ZNF423: variants seen among roughly 807,000 people sequenced by gnomAD.
ZNF423 encodes the protein zinc finger protein 423.
In ZNF423, 12 loss-of-function variants were observed where a neutral mutation model predicts 95.8. The ratio of observed to expected loss-of-function variants is 0.13; its 90% confidence interval spans 0.08 to 0.20. The LOEUF (loss-of-function observed/expected upper bound fraction) is 0.20, where lower values mean the gene tolerates loss of function less well. ZNF423 is among the 10% of genes least tolerant of loss of function. The probability of loss-of-function intolerance (pLI) is 1.00; values close to 1 mark genes in which losing one functional copy is unlikely to be tolerated. For missense variants in ZNF423, 1,316 were observed against 1,737.1 expected, an observed-to-expected ratio of 0.76 and a Z score of 4.31; for synonymous variants, 749 against 711.9, an observed-to-expected ratio of 1.05 and a Z score of -0.83.
chr16:49,787,894 G>A (rs1376721696), intron 2 of ZNF423, among the ~76,000 whole-genome samples: 3 of 152,162 alleles, frequency 2.0e-5, no homozygotes, highest in Non-Finnish European at 2.9e-5. Context: ...TCTCTAGAGC[G>A]GGCAGCAAGC....
intron 7 of ZNF423, among the ~76,000 whole-genome samples, chr16:49,515,508 TC>T (rs1968096207): frequency 6.6e-6 from 1 of 152,198 alleles, no homozygotes; most frequent in African/African-American, 2.4e-5. Context: ...CAAATGACCC[TC>T]GGCAAACCGC....
At chr16:49,520,997 G>A (rs530331615) in intron 7 of ZNF423, among the ~76,000 whole-genome samples, 33 of 152,182 alleles carry the variant, frequency 2.2e-4, no homozygotes, top group Admixed American at 4.6e-4. Flanking sequence ...CTGACTTAAA[G>A]CTTAACGGGA....
chr16:49,553,709 T>C (rs1969723881), intron 5 of ZNF423, among the ~76,000 whole-genome samples: 1 of 152,194 alleles, frequency 6.6e-6, no homozygotes, highest in Admixed American at 6.5e-5. Context: ...TGCAGTGGCA[T>C]GATCAATTTT....
At chr16:49,731,678 C>T (rs1416244057) in intron 2 of ZNF423, among the ~76,000 whole-genome samples, 1 of 151,876 alleles carries the variant, frequency 6.6e-6, no homozygotes, top group Non-Finnish European at 1.5e-5. Context: ...TTTTAATTAG[C>T]CTGGTATAGT....
chr16:49,760,106 T>C (rs988681584), intron 2 of ZNF423, among the ~76,000 whole-genome samples: 3 of 100,470 alleles, frequency 3.0e-5, no homozygotes, highest in Non-Finnish European at 5.5e-5. Flanking sequence ...GATTGATGAA[T>C]GGATGGATGC....
intron 1 of ZNF423, among the ~76,000 whole-genome samples, chr16:49,818,149 C>T (rs1376282690): frequency 6.6e-6 from 1 of 152,026 alleles, no homozygotes; most frequent in Non-Finnish European, 1.5e-5. Context: ...AATCTAATTC[C>T]CCTACTCCTT....
rs1372138039 is a variant in ZNF423, at chr16:49,638,741, T to C, written c.435A>G (p.Pro145=). 1.2e-6 allele frequency: 2 copies of C among 1,614,130 alleles called. No homozygotes were observed. The highest frequency in any genetic ancestry group is 1.1e-5 in the South Asian group (1 of 91,078). The change falls in exon 4 of 8, where the codon CCA becomes CCG. Residue 145 remains proline, a synonymous_variant. Coordinates refer to ENST00000563137, the MANE Select transcript of ZNF423 (RefSeq NM_001379286.1). This position sits in a 1 kb window ranked among gnomAD's most constrained non-coding sequence, Gnocchi z 5.6. ...ACTTGTCGCAGAACTGGCAAGGGTA[T>C]GGCAGGCCCGTGCCCCCTTCCTCCT... ...LGEEEGGTGL[P]YPCQFCDKSF...
chr16:49,501,401 T>C (rs1286294613), intron 7 of ZNF423, among the ~76,000 whole-genome samples: 1 of 152,228 alleles, frequency 6.6e-6, no homozygotes, highest in African/African-American at 2.4e-5. Context: ...TCAGCTTTCT[T>C]AGAGGAATGC....
At chr16:49,564,490 A>T (rs979429921) in intron 5 of ZNF423, among the ~76,000 whole-genome samples, 5 of 152,150 alleles carry the variant, frequency 3.3e-5, no homozygotes, top group Non-Finnish European at 7.4e-5. Flanking sequence ...TTCTCAACAC[A>T]AGAGAAGACA....
At chr16:49,652,505 G>C (rs1201809663) in intron 3 of ZNF423, among the ~76,000 whole-genome samples, 2 of 152,144 alleles carry the variant, frequency 1.3e-5, no homozygotes, top group Admixed American at 6.5e-5. Flanking sequence ...AGGAGCTCAG[G>C]AGCTCCGGAA....
chr16:49,511,236 C>T (rs187403509), intron 7 of ZNF423, among the ~76,000 whole-genome samples: 7 of 152,330 alleles, frequency 4.6e-5, no homozygotes, highest in African/African-American at 9.6e-5. Context: ...TCCAGACCAG[C>T]GACAGTATCA....
At position 49,637,240 on chromosome 16, in the gene ZNF423, C is replaced by T. The variant is rs766551710; in HGVS notation, c.1936G>A (p.Asp646Asn). ...SNGEYPCNQC[D>N]LKFSNFESFQ... The stretch of plus-strand genomic sequence containing the variant: ...CTCTCAAAGTTGGAGAACTTGAGGT[C>T]GCATTGATTGCAAGGATACTCCCCA... The change falls in exon 4 of 8, where the codon GAC becomes AAC. Residue 646 changes from aspartate to asparagine, a missense_variant. Physicochemically the swap from Asp to Asn is conservative, Grantham distance 23 (BLOSUM62 1). Coordinates refer to ENST00000563137, the MANE Select transcript of ZNF423 (RefSeq NM_001379286.1). The surrounding 1 kb of genome is among the most constrained non-coding windows in gnomAD (Gnocchi z 5.6). 10 of 1,614,046 alleles carry T rather than the reference C, an allele frequency of 6.2e-6. No homozygotes were observed. The South Asian group carries it at 8.8e-5, about 14-fold the overall frequency.
chr16:49,748,369 C>G (rs1479875078), intron 2 of ZNF423, among the ~76,000 whole-genome samples: 1 of 152,024 alleles, frequency 6.6e-6, no homozygotes, highest in Non-Finnish European at 1.5e-5. Context: ...TCACTTCTCA[C>G]CAATTTTCTG....
At chr16:49,503,190 C>T (rs1967495896) in intron 7 of ZNF423, among the ~76,000 whole-genome samples, 1 of 152,164 alleles carries the variant, frequency 6.6e-6, no homozygotes, top group African/African-American at 2.4e-5. Flanking sequence ...CACGTTCACC[C>T]CACTGCTGAG....
At position 49,590,050 on chromosome 16, in the gene ZNF423, A is replaced by ATATG. The variant is rs552421632; in HGVS notation, c.3601+36119_3601+36120insCATA. Among the ~76,000 whole-genome samples, 93 of 117,494 alleles carry ATATG rather than the reference A, an allele frequency of 7.9e-4. 10 individuals are homozygous for ATATG. Among genetic ancestry groups the ATATG allele is most frequent in the Admixed American group, 2.5e-3 (30 of 12,084 alleles). 77.1% of individuals were successfully genotyped at this position (117,494 alleles called of 152,430 possible). A position where few individuals can be genotyped will look rare whatever the true frequency, so the allele number is the denominator to read the frequency against. On this transcript the variant is annotated intron_variant, in intron 5 of 7. Transcript: ENST00000563137. Reference sequence around the variant, plus strand: ...GGCGAATATATATATATATATATATATTTGGTCCATACAGACGTGACCAGA... The same window carrying ATATG: ...GGCGAATATATATATATATATATATATATGTTTGGTCCATACAGACGTGACCAGA...
intron 7 of ZNF423, among the ~76,000 whole-genome samples, chr16:49,503,861 T>C (rs1299645073): frequency 1.3e-5 from 2 of 152,164 alleles, no homozygotes; most frequent in African/African-American, 2.4e-5. Flanking sequence ...CCTCCACTGA[T>C]AGGGTCAAGG....
chr16:49,543,368 C>T (rs954134577), intron 5 of ZNF423, among the ~76,000 whole-genome samples: 5 of 152,074 alleles, frequency 3.3e-5, no homozygotes, highest in East Asian at 1.9e-4. Flanking sequence ...GGCAAATCAT[C>T]GGTGCCAGCC....
intron 5 of ZNF423, among the ~76,000 whole-genome samples, chr16:49,553,487 C>G (rs1353487624): frequency 6.6e-6 from 1 of 151,976 alleles, no homozygotes; most frequent in Non-Finnish European, 1.5e-5. Context: ...ACTGGGACTA[C>G]AGGCATGCAC....
At chr16:49,777,827 G>A (rs2034145259) in intron 2 of ZNF423, among the ~76,000 whole-genome samples, 1 of 152,156 alleles carries the variant, frequency 6.6e-6, no homozygotes, top group Non-Finnish European at 1.5e-5. Context: ...GCATGTCACA[G>A]CCCCCTGTCT....
Sources: gnomAD v4.1 joint callset for allele counts (sites outside exome capture counted in the v4.1 genomes callset) on GRCh38, gnomAD v4.1.1 for gene constraint, Gnocchi (gnomAD v3.1) non-coding constraint, MANE v1.5 for transcripts, NCBI Gene and HGNC (gene_info 2026-07-23, HGNC 2026-07-21) for gene names.